Variants in FIGN observed in about 807,000 individuals in gnomAD.
FIGN encodes fidgetin.
In FIGN, 11 loss-of-function variants were observed where a neutral mutation model predicts 51.3. That is an observed-to-expected ratio of 0.21 (90% CI 0.13 to 0.35). The LOEUF (loss-of-function observed/expected upper bound fraction) is 0.35. FIGN is among the 10% of genes least tolerant of loss of function. FIGN has a pLI of 1.00. For missense variants in FIGN, 857 were observed against 943.6 expected (o/e 0.91, Z 1.20); for synonymous variants, 407 against 363.2 (o/e 1.12, Z -1.37).
At chr2:163,625,815 A>G (rs1269936005) in intron 2 of FIGN, among the ~76,000 whole-genome samples, 1 of 152,084 alleles carries the variant, frequency 6.6e-6, no homozygotes, top group African/African-American at 2.4e-5. Flanking sequence ...GGTAACATAA[A>G]TATCTTTTGC....
rs192146541 is a variant in FIGN at position 163,609,069 on chromosome 2, A to T, written c.*483T>A. On this transcript the variant is annotated 3_prime_UTR_variant, in exon 3 of 3. Coordinates refer to ENST00000333129, the MANE Select transcript of FIGN (RefSeq NM_018086.4). ...AATACTGTTGCTCTTAAAATGGCAAAAATCTGGTTTTCTGTCATAACACAA... is the reference window on the plus strand; with the variant it reads ...AATACTGTTGCTCTTAAAATGGCAATAATCTGGTTTTCTGTCATAACACAA... 1 of 155,686 alleles carries T rather than the reference A, an allele frequency of 6.4e-6. No individual in the cohort carries two copies. Among genetic ancestry groups the T allele is most frequent in the Non-Finnish European group, 1.4e-5 (1 of 69,970 alleles). 9.6% of individuals were successfully genotyped at this position (155,686 alleles called of 1,614,324 possible).
At chr2:163,706,725 C>T (rs1348063385) in intron 2 of FIGN, among the ~76,000 whole-genome samples, 3 of 152,122 alleles carry the variant, frequency 2.0e-5, no homozygotes, top group Non-Finnish European at 4.4e-5. Flanking sequence ...CACCCTAAAA[C>T]CCAATCTTTG....
intron 2 of FIGN, among the ~76,000 whole-genome samples, chr2:163,639,081 C>T (rs935521634): frequency 3.3e-5 from 5 of 152,014 alleles, no homozygotes; most frequent in East Asian, 1.9e-4. Context: ...ATAGAATTTT[C>T]GGCACAAAAA....
intron 2 of FIGN, among the ~76,000 whole-genome samples, chr2:163,707,014 A>G (rs1253112560): frequency 1.3e-5 from 2 of 152,168 alleles, no homozygotes; most frequent in Admixed American, 6.6e-5. Context: ...TCATTGCCTA[A>G]CATCAATAAA....
chr2:163,605,945 A>C lies in FIGN; in HGVS notation c.*3607T>G, dbSNP rs1044798664. On this transcript the variant is annotated 3_prime_UTR_variant, in exon 3 of 3. Transcript: ENST00000333129. Reference sequence around the variant, plus strand: ...TCTTTTGAAAACTGCATAGCCAAGTACTATGCAACCCATGTAAATTGACCT... The same window carrying C: ...TCTTTTGAAAACTGCATAGCCAAGTCCTATGCAACCCATGTAAATTGACCT... The C allele has an allele frequency of 2.0e-5, 3 of 151,402 alleles. No homozygotes were observed. Among genetic ancestry groups the C allele is most frequent in the African/African-American group, 7.3e-5 (3 of 41,208 alleles). The allele number at this position is 151,402 out of a possible 1,614,324, so 9.4% of individuals were successfully genotyped here. A position where few individuals can be genotyped will look rare whatever the true frequency, so the allele number is the denominator to read the frequency against.
chr2:163,732,590 C>T (rs1432879435), intron 2 of FIGN, among the ~76,000 whole-genome samples: 1 of 152,186 alleles, frequency 6.6e-6, no homozygotes, highest in African/African-American at 2.4e-5. Context: ...TTCTAACAAT[C>T]ATCAATTTAT....
intron 2 of FIGN, among the ~76,000 whole-genome samples, chr2:163,657,408 C>T (rs1216956851): frequency 6.6e-6 from 1 of 152,036 alleles, no homozygotes; most frequent in African/African-American, 2.4e-5. Context: ...ATGAAAAAAT[C>T]TGGCATACAT....
intron 2 of FIGN, among the ~76,000 whole-genome samples, chr2:163,661,093 A>G (rs1387860974): frequency 6.7e-6 from 1 of 148,660 alleles, no homozygotes; most frequent in Admixed American, 6.7e-5. Flanking sequence ...CATGTTGGCC[A>G]AGCTGGTCTT....
At chr2:163,726,500 C>T (rs1362525835) in intron 2 of FIGN, among the ~76,000 whole-genome samples, 1 of 151,984 alleles carries the variant, frequency 6.6e-6, no homozygotes, top group East Asian at 1.9e-4. Context: ...TCAAAAATGA[C>T]TCATAAAATA....
intron 2 of FIGN, among the ~76,000 whole-genome samples, chr2:163,678,410 G>A (rs572054972): frequency 6.6e-6 from 1 of 151,956 alleles, no homozygotes; most frequent in South Asian, 2.1e-4. Flanking sequence ...TAGTAGAGAC[G>A]GGTTTTCAAC....
intron 2 of FIGN, among the ~76,000 whole-genome samples, chr2:163,677,076 C>T (rs544505151): frequency 2.6e-5 from 4 of 152,284 alleles, no homozygotes; most frequent in South Asian, 4.1e-4. Context: ...GACTCTTGCA[C>T]GTGTACTTTA....
At chr2:163,715,545 A>C (rs948451778) in intron 2 of FIGN, among the ~76,000 whole-genome samples, 4 of 152,230 alleles carry the variant, frequency 2.6e-5, no homozygotes, top group Non-Finnish European at 5.9e-5. Flanking sequence ...GAGCGGTTTC[A>C]GGGCAGCAGC....
intron 2 of FIGN, among the ~76,000 whole-genome samples, chr2:163,734,072 C>A (rs1440067800): frequency 6.6e-6 from 1 of 151,708 alleles, no homozygotes; most frequent in Non-Finnish European, 1.5e-5. Flanking sequence ...CAGGGCACTG[C>A]CACAAGAGCT....
intron 2 of FIGN, among the ~76,000 whole-genome samples, chr2:163,643,269 A>G (rs556637368): frequency 6.6e-6 from 1 of 152,310 alleles, no homozygotes; most frequent in Non-Finnish European, 1.5e-5. Flanking sequence ...TGAAGACTTC[A>G]ATCGAGCAAA....
At chr2:163,643,048 T>G (rs1683327559) in intron 2 of FIGN, among the ~76,000 whole-genome samples, 1 of 152,100 alleles carries the variant, frequency 6.6e-6, no homozygotes, top group Admixed American at 6.6e-5. Flanking sequence ...CTAAAATTCA[T>G]ACGAAATTGC....
intron 1 of FIGN, 39 bp downstream of exon 1, chr2:163,735,799 A>G (rs780999721): frequency 6.6e-6 from 1 of 152,644 alleles, no homozygotes; most frequent in Admixed American, 6.5e-5. Flanking sequence ...ACAAAAACAA[A>G]TTTAAACAGA....
At chr2:163,706,788 G>T (rs1233314603) in intron 2 of FIGN, among the ~76,000 whole-genome samples, 1 of 152,074 alleles carries the variant, frequency 6.6e-6, no homozygotes, top group Non-Finnish European at 1.5e-5. Flanking sequence ...AATCTTGTTG[G>T]CTGAAATTCT....
At chr2:163,686,797 T>C (rs13025796) in intron 2 of FIGN, among the ~76,000 whole-genome samples, 41,994 of 101,434 alleles carry the variant, frequency 0.41, 6,000 homozygotes, top group East Asian at 0.56. Context: ...CACACACACA[T>C]ATATATATAT....
intron 2 of FIGN, among the ~76,000 whole-genome samples, chr2:163,678,777 G>A (rs1351774378): frequency 6.6e-6 from 1 of 152,148 alleles, no homozygotes; most frequent in East Asian, 1.9e-4. Flanking sequence ...TAGTCTTCTA[G>A]ATGCAAGTAA....
Sources: gnomAD v4.1 joint callset for allele counts (sites outside exome capture counted in the v4.1 genomes callset) on GRCh38, gnomAD v4.1.1 for gene constraint, MANE v1.5 for transcripts, NCBI Gene and HGNC (gene_info 2026-07-23, HGNC 2026-07-21) for gene names.